ADAMTSL1: variants seen among roughly 807,000 people sequenced by gnomAD.
ADAMTSL1 encodes the protein ADAMTS like 1, also known as ADAMTS-like protein 1.
A neutral mutation model predicts 201.8 loss-of-function variants in ADAMTSL1; 126 were observed. The observed-to-expected ratio is 0.62, with a 90% CI of 0.54 to 0.72. ADAMTSL1 has a LOEUF of 0.72. Among genes scored for constraint, ADAMTSL1 ranks in the 30% least tolerant of loss-of-function variants. The probability of loss-of-function intolerance (pLI) is 0.00; values close to 1 mark genes in which losing one functional copy is unlikely to be tolerated. For missense variants in ADAMTSL1, 2,679 were observed against 2,277.8 expected, an observed-to-expected ratio of 1.18 and a Z score of -3.59; for synonymous variants, 1,121 against 903.4, an observed-to-expected ratio of 1.24 and a Z score of -4.32.
intron 16 of ADAMTSL1, among the ~76,000 whole-genome samples, chr9:18,759,135 C>T (rs1433578226): frequency 2.6e-5 from 4 of 152,190 alleles, no homozygotes; most frequent in Non-Finnish European, 5.9e-5. Context: ...TTGCACACAT[C>T]TGTGCAGAGA....
At chr9:18,298,648 C>G (rs1192176016) in intron 2 of ADAMTSL1, among the ~76,000 whole-genome samples, 1 of 149,796 alleles carries the variant, frequency 6.7e-6, no homozygotes, top group Non-Finnish European at 1.5e-5. Flanking sequence ...AAAGCAAGCA[C>G]TCTCAGTATT....
In ADAMTSL1 at chr9:18,126,023, T is replaced by C. The variant is rs185834699; in HGVS notation, c.88-37839T>C. 9.2e-5 allele frequency among the ~76,000 whole-genome samples: 14 copies of C among 152,306 alleles called. No individual in the cohort carries two copies. In the East Asian group the frequency reaches 2.3e-3, roughly 25 times the overall value. On this transcript the variant is annotated intron_variant, in intron 1 of 29. Transcript: ENST00000680146. ...ATGCCAGTAGGAACCCTGCCTGACG[T>C]ACCTGCCACCAAAACCTCAACACCG... is the stretch of plus-strand genomic sequence containing the variant.
At chr9:18,194,992 T>A (rs1430517309) in intron 2 of ADAMTSL1, among the ~76,000 whole-genome samples, 1 of 152,120 alleles carries the variant, frequency 6.6e-6, no homozygotes, top group Non-Finnish European at 1.5e-5. Flanking sequence ...AGTTTAAGAA[T>A]GCATGAAAGA....
chr9:18,137,569 T>G (rs1318169440), intron 1 of ADAMTSL1, among the ~76,000 whole-genome samples: 1 of 152,168 alleles, frequency 6.6e-6, no homozygotes, highest in Non-Finnish European at 1.5e-5. Flanking sequence ...ATGGAATTTT[T>G]AAGAAAACAC....
At chr9:17,964,468 G>A (rs929061145) in intron 1 of ADAMTSL1, among the ~76,000 whole-genome samples, 1 of 152,124 alleles carries the variant, frequency 6.6e-6, no homozygotes, top group South Asian at 2.1e-4. Context: ...CAGTCAGGAG[G>A]GGGCAACGCA....
intron 23 of ADAMTSL1, among the ~76,000 whole-genome samples, chr9:18,886,217 CACATACAT>C (rs1828880446): frequency 2.4e-5 from 3 of 125,216 alleles, no homozygotes; most frequent in African/African-American, 5.6e-5. Flanking sequence ...TATATACACA[CACATACAT>C]ATACATACAT....
At chr9:18,587,089 A>C (rs538813620) in intron 4 of ADAMTSL1, among the ~76,000 whole-genome samples, 1 of 152,240 alleles carries the variant, frequency 6.6e-6, no homozygotes, top group East Asian at 1.9e-4. Context: ...AAAAGCAAAC[A>C]TTGACAAATG....
Position 18,718,763 on chromosome 9 carries a change from T to TCA in ADAMTSL1, c.1877-2763_1877-2762dup, listed in dbSNP as rs1409965736. Among the ~76,000 whole-genome samples, 23 of 152,216 alleles carry TCA rather than the reference T, an allele frequency of 1.5e-4. 1 individual carries two copies. The highest frequency in any genetic ancestry group is 1.2e-3 in the Admixed American group (19 of 15,284). On this transcript the variant is annotated intron_variant, in intron 14 of 28. Coordinates refer to ENST00000380548, the MANE Select transcript of ADAMTSL1 (RefSeq NM_001040272.6). The stretch of plus-strand genomic sequence containing the variant: ...CACAGGTCACATCACTTACACACCT[T>TCA]CACACACACACCTGATCCAGTCACT...
At chr9:18,397,166 T>C (rs933303229) in intron 2 of ADAMTSL1, among the ~76,000 whole-genome samples, 3 of 152,174 alleles carry the variant, frequency 2.0e-5, no homozygotes, top group Non-Finnish European at 2.9e-5. Context: ...CCCCACTCTT[T>C]TACCCTTATC....
chr9:17,952,245 C>A (rs1022078468), intron 1 of ADAMTSL1, among the ~76,000 whole-genome samples: 1 of 151,686 alleles, frequency 6.6e-6, no homozygotes, highest in Non-Finnish European at 1.5e-5. Flanking sequence ...TGAGCCACTA[C>A]TTCCAGCCTC....
chr9:17,913,786 A>T (rs1825981469), intron 1 of ADAMTSL1, among the ~76,000 whole-genome samples: 1 of 140,214 alleles, frequency 7.1e-6, no homozygotes, highest in Admixed American at 7.1e-5. Flanking sequence ...GAGACTAATA[A>T]AGAAGAAAAG....
At chr9:18,424,078 C>T (rs1219710262) in intron 2 of ADAMTSL1, among the ~76,000 whole-genome samples, 1 of 152,218 alleles carries the variant, frequency 6.6e-6, no homozygotes, top group Non-Finnish European at 1.5e-5. Flanking sequence ...TCAAAGAAAT[C>T]ACTTTAGTGG....
chr9:18,254,978 A>T (rs188467606), intron 2 of ADAMTSL1, among the ~76,000 whole-genome samples: 19 of 152,146 alleles, frequency 1.2e-4, no homozygotes, highest in African/African-American at 4.6e-4. Context: ...GATGATCTAT[A>T]GGTTATATTT....
chr9:17,926,086 C>A (rs945350677), intron 1 of ADAMTSL1, among the ~76,000 whole-genome samples: 2 of 152,064 alleles, frequency 1.3e-5, no homozygotes, highest in Non-Finnish European at 2.9e-5. Flanking sequence ...CTGACTCATG[C>A]GGTCTGTGAT....
At chr9:18,202,918 C>G (rs569011713) in intron 2 of ADAMTSL1, among the ~76,000 whole-genome samples, 1 of 152,172 alleles carries the variant, frequency 6.6e-6, no homozygotes, top group South Asian at 2.1e-4. Flanking sequence ...CCAGAGCTAA[C>G]TACAGAAAGT....
rs373545852 is a variant in ADAMTSL1 at position 18,828,164 on chromosome 9, G to C, written c.4115-1679G>C. 7.2e-5 allele frequency among the ~76,000 whole-genome samples: 11 copies of C among 152,254 alleles called. No homozygotes were observed. In the East Asian group the frequency reaches 2.1e-3, roughly 29 times the overall value. ...TTATGTTGCTGACATTAAGTTCCAT[G>C]TCACCTGGACACTGGTAAAGTTTTA... On this transcript the variant is annotated intron_variant, in intron 22 of 28. Coordinates refer to ENST00000380548, the MANE Select transcript of ADAMTSL1 (RefSeq NM_001040272.6).
At chr9:18,373,312 A>G (rs1272586162) in intron 2 of ADAMTSL1, among the ~76,000 whole-genome samples, 1 of 152,166 alleles carries the variant, frequency 6.6e-6, no homozygotes, top group Non-Finnish European at 1.5e-5. Context: ...CTGGAATTTA[A>G]CCTATTTATA....
At chr9:18,437,603 A>G (rs1819795920) in intron 2 of ADAMTSL1, among the ~76,000 whole-genome samples, 1 of 152,110 alleles carries the variant, frequency 6.6e-6, no homozygotes, top group African/African-American at 2.4e-5. Context: ...GCTTCTAGCT[A>G]ACTGGCTTTC....
chr9:18,159,992 T>C (rs922351635), intron 1 of ADAMTSL1, among the ~76,000 whole-genome samples: 3 of 152,022 alleles, frequency 2.0e-5, no homozygotes, highest in Non-Finnish European at 4.4e-5. Context: ...CTCCCTAATT[T>C]CCTATATTTA....
Sources: allele counts gnomAD v4.1 joint callset (sites outside exome capture counted in the v4.1 genomes callset), GRCh38; gene constraint gnomAD v4.1.1; transcripts MANE v1.5; gene names NCBI Gene and HGNC (gene_info 2026-07-23, HGNC 2026-07-21).